Variants in ZNF521 observed in about 807,000 individuals in gnomAD.
ZNF521 encodes LYST-interacting protein 3.
A neutral mutation model predicts 105.5 loss-of-function variants in ZNF521; 14 were observed. That is an observed-to-expected ratio of 0.13 (90% CI 0.09 to 0.21). ZNF521 has a LOEUF of 0.21. ZNF521 is among the 10% of genes least tolerant of loss of function. The pLI, the probability that ZNF521 is intolerant of heterozygous loss-of-function variation, is 1.00. For missense variants in ZNF521, 1,233 were observed against 1,629.7 expected (o/e 0.76, Z 4.19); for synonymous variants, 635 against 606.0 (o/e 1.05, Z -0.70).
In ZNF521 at chr18:25,174,853, T is replaced by A. The variant is rs371827301; in HGVS notation, c.3658+20307A>T. On this transcript the variant is annotated intron_variant, in intron 5 of 7. Coordinates refer to ENST00000361524, the MANE Select transcript of ZNF521 (RefSeq NM_015461.3). ...CATCTTAATGACTGTCATTAATTTC[T>A]AAAGAGTGTTAATTTCAGATTTTTA... is the stretch of plus-strand genomic sequence containing the variant. 2.6e-5 allele frequency among the ~76,000 whole-genome samples: 4 copies of A among 152,356 alleles called. No individual in the cohort carries two copies. In the East Asian group the frequency reaches 5.8e-4, roughly 22 times the overall value.
At chr18:25,106,117 C>T (rs1377197939) in intron 5 of ZNF521, among the ~76,000 whole-genome samples, 2 of 151,970 alleles carry the variant, frequency 1.3e-5, no homozygotes, top group African/African-American at 4.8e-5. Context: ...TTCAATTTTG[C>T]TCTTATGGGT....
At chr18:25,297,335 G>C (rs1457688765) in intron 3 of ZNF521, among the ~76,000 whole-genome samples, 1 of 152,086 alleles carries the variant, frequency 6.6e-6, no homozygotes, top group Non-Finnish European at 1.5e-5. Flanking sequence ...GTTCTAGTAA[G>C]TATGTGCTAA....
intron 4 of ZNF521, among the ~76,000 whole-genome samples, chr18:25,215,661 G>A (rs1457842143): frequency 6.6e-6 from 1 of 152,112 alleles, no homozygotes; most frequent in Non-Finnish European, 1.5e-5. Flanking sequence ...GTTCTAAAAA[G>A]TCACTGTAAC....
At chr18:25,306,063 G>A (rs918035797) in intron 3 of ZNF521, among the ~76,000 whole-genome samples, 6 of 152,192 alleles carry the variant, frequency 3.9e-5, no homozygotes, top group Admixed American at 3.9e-4. Context: ...AATTTAGTCA[G>A]CCATTTGCCA....
In ZNF521 at chr18:25,225,658, A is replaced by C; in HGVS notation, c.2260T>G (p.Cys754Gly). The C allele has an allele frequency of 1.2e-6, 2 of 1,614,156 alleles. No individual in the cohort carries two copies. Among genetic ancestry groups the C allele is most frequent in the Non-Finnish European group, 1.7e-6 (2 of 1,180,024 alleles). Reference protein sequence around the residue: ...KHSNEKKVYRCTSCNWDFRNE... With the variant: ...KHSNEKKVYRGTSCNWDFRNE... Reference sequence around the variant, plus strand: ...CGGAAGTCCCAGTTGCAAGATGTGCACCTATAGACTTTCTTTTCGTTACTG... The same window carrying C: ...CGGAAGTCCCAGTTGCAAGATGTGCCCCTATAGACTTTCTTTTCGTTACTG... Residue 754 changes from cysteine to glycine, a missense_variant, in exon 4 of 8, where the codon TGC becomes GGC. Physicochemically the swap from Cys to Gly is radical, Grantham distance 159. Transcript: ENST00000361524. This position sits in a 1 kb window ranked among gnomAD's most constrained non-coding sequence, Gnocchi z 5.6.
At chr18:25,303,562 C>CT (rs1911783633) in intron 3 of ZNF521, among the ~76,000 whole-genome samples, 1 of 152,128 alleles carries the variant, frequency 6.6e-6, no homozygotes, top group South Asian at 2.1e-4. Context: ...TCCCAAAGTG[C>CT]TGGGATTACA....
intron 5 of ZNF521, among the ~76,000 whole-genome samples, chr18:25,129,268 T>TAATAATAATAATA (rs72264876): frequency 1.3e-5 from 1 of 77,572 alleles, no homozygotes; most frequent in African/African-American, 4.2e-5. Flanking sequence ...TAATAATAAT[T>TAATAATAATAATA]ATTATTATTA....
intron 5 of ZNF521, among the ~76,000 whole-genome samples, chr18:25,146,419 T>C (rs1307244138): frequency 6.6e-6 from 1 of 152,118 alleles, no homozygotes; most frequent in Non-Finnish European, 1.5e-5. Flanking sequence ...CCTTTGGGGC[T>C]AGGATATATA....
At chr18:25,142,056 T>C (rs1437486776) in intron 5 of ZNF521, among the ~76,000 whole-genome samples, 1 of 152,156 alleles carries the variant, frequency 6.6e-6, no homozygotes, top group African/African-American at 2.4e-5. Flanking sequence ...TAAATGTTTT[T>C]CCTAAAGGGC....
chr18:25,167,702 A>G (rs559380009), intron 5 of ZNF521, among the ~76,000 whole-genome samples: 10 of 152,222 alleles, frequency 6.6e-5, no homozygotes, highest in Admixed American at 5.9e-4. Context: ...GTGGAGGAGG[A>G]GGGACTAAAA....
At chr18:25,089,697 T>A in intron 6 of ZNF521, 117 bp from the exon 7 acceptor site, 1 of 763,178 alleles carries the variant, frequency 1.3e-6, no homozygotes, top group Non-Finnish European at 2.2e-6. Flanking sequence ...TGTGACTTAC[T>A]GCCTGAGACC....
chr18:25,266,505 T>G (rs1422724753), intron 3 of ZNF521, among the ~76,000 whole-genome samples: 1 of 152,044 alleles, frequency 6.6e-6, no homozygotes, highest in Non-Finnish European at 1.5e-5. Context: ...CCCAATGAGA[T>G]CAACACAGAA....
At chr18:25,253,845 AG>A (rs1908285174) in intron 3 of ZNF521, among the ~76,000 whole-genome samples, 1 of 152,162 alleles carries the variant, frequency 6.6e-6, no homozygotes, top group Non-Finnish European at 1.5e-5. Context: ...ATACCTCCAA[AG>A]GGTTCAATAG....
At chr18:25,137,227 G>T (rs1190607722) in intron 5 of ZNF521, among the ~76,000 whole-genome samples, 1 of 152,162 alleles carries the variant, frequency 6.6e-6, no homozygotes, top group African/African-American at 2.4e-5. Flanking sequence ...CAACCACAGT[G>T]TATGGCATGA....
At chr18:25,231,957 C>T (rs1906560586) in intron 3 of ZNF521, among the ~76,000 whole-genome samples, 2 of 152,184 alleles carry the variant, frequency 1.3e-5, no homozygotes, top group South Asian at 4.1e-4. Context: ...CTGCAAGAAA[C>T]TGGCTTAACA....
chr18:25,103,301 C>G (rs1300224917), intron 5 of ZNF521, among the ~76,000 whole-genome samples: 1 of 152,162 alleles, frequency 6.6e-6, no homozygotes, highest in Non-Finnish European at 1.5e-5. Flanking sequence ...CAATGATTTG[C>G]TTAAACTGTT....
intron 3 of ZNF521, among the ~76,000 whole-genome samples, chr18:25,310,904 C>G (rs1912270983): frequency 6.6e-6 from 1 of 152,124 alleles, no homozygotes; most frequent in African/African-American, 2.4e-5. Flanking sequence ...AATGTGTGTT[C>G]AAAGAGTTCT....
intron 7 of ZNF521, among the ~76,000 whole-genome samples, chr18:25,077,480 G>T (rs755340262): frequency 6.6e-6 from 1 of 151,942 alleles, no homozygotes; most frequent in Non-Finnish European, 1.5e-5. Flanking sequence ...GGCCACATCC[G>T]CGTGCCCCCC....
At chr18:25,229,603 G>A (rs919129637) in intron 3 of ZNF521, among the ~76,000 whole-genome samples, 6 of 151,800 alleles carry the variant, frequency 4.0e-5, no homozygotes, top group African/African-American at 1.2e-4. Flanking sequence ...TTAAAAAAGT[G>A]TTGTCACCTA....
Sources: gnomAD v4.1 joint callset for allele counts (sites outside exome capture counted in the v4.1 genomes callset) on GRCh38, gnomAD v4.1.1 for gene constraint, Gnocchi (gnomAD v3.1) non-coding constraint, MANE v1.5 for transcripts, NCBI Gene and HGNC (gene_info 2026-07-23, HGNC 2026-07-21) for gene names.